STAU1: variants seen among roughly 807,000 people sequenced by gnomAD.
STAU1 encodes staufen double-stranded RNA binding protein 1, also known as double-stranded RNA-binding protein Staufen homolog 1.
A neutral mutation model predicts 62.9 loss-of-function variants in STAU1; 13 were observed. That is an observed-to-expected ratio of 0.21 (90% CI 0.13 to 0.33). The LOEUF (loss-of-function observed/expected upper bound fraction) is 0.33. STAU1 is among the 10% of genes least tolerant of loss of function. The pLI is 1.00. For missense variants in STAU1, 571 were observed against 712.1 expected (o/e 0.80, Z 2.25); for synonymous variants, 269 against 265.1 (o/e 1.01, Z -0.14).
chr20:49,115,231 G>T (rs566497670), intron 13 of STAU1, among the ~76,000 whole-genome samples: 8 of 152,118 alleles, frequency 5.3e-5, no homozygotes, highest in Non-Finnish European at 1.0e-4. Context: ...GGGGCTGTCC[G>T]AGGGGAAGAT....
At chr20:49,209,831 G>A in the STAU1 span, among the ~76,000 whole-genome samples, 11 of 152,068 alleles carry the variant, frequency 7.2e-5, no homozygotes, top group Non-Finnish European at 1.5e-4. Context: ...GGCGGATCAC[G>A]AGGTCAGGAG....
At chr20:49,177,430 G>A (rs1475338473) in intron 1 of STAU1, among the ~76,000 whole-genome samples, 2 of 152,008 alleles carry the variant, frequency 1.3e-5, no homozygotes, top group East Asian at 3.9e-4. Flanking sequence ...TATAATCCCA[G>A]CACTTTGGGA....
chr20:49,167,352 T>C (rs534383459), intron 2 of STAU1, among the ~76,000 whole-genome samples: 1 of 152,320 alleles, frequency 6.6e-6, no homozygotes, highest in Non-Finnish European at 1.5e-5. Flanking sequence ...TTTTTTTAAG[T>C]ATCAAAATGA....
chr20:49,131,699 CGA>C (rs1402502947), intron 6 of STAU1, among the ~76,000 whole-genome samples: 1 of 151,740 alleles, frequency 6.6e-6, no homozygotes, highest in Non-Finnish European at 1.5e-5. Flanking sequence ...AAAAATTAGC[CGA>C]GTGTGGTGGC....
chr20:49,177,815 GA>G lies in STAU1; in HGVS notation c.-159-3547del, dbSNP rs767772813. Among the ~76,000 whole-genome samples, 248 of 152,270 alleles carry G rather than the reference GA, an allele frequency of 1.6e-3. 3 individuals are homozygous for G. The highest frequency in any genetic ancestry group is 2.3e-3 in the Non-Finnish European group (159 of 68,018). ...ACTTAGCAAAGAAAGAAGAGAGAGA[GA>G]GAGGGGAGAAATACAGCAGTCATTT... On this transcript the variant is annotated intron_variant, in intron 1 of 13. Transcript: ENST00000371856.
At chr20:49,187,177 T>G (rs1296620571) in intron 1 of STAU1, among the ~76,000 whole-genome samples, 1 of 152,086 alleles carries the variant, frequency 6.6e-6, no homozygotes, top group Non-Finnish European at 1.5e-5. Flanking sequence ...GCCAGCAACT[T>G]TCCCAGAAAT....
rs144433924 is a variant in STAU1 at position 49,154,913 on chromosome 20, C to T, written c.206-842G>A. Among the ~76,000 whole-genome samples, 227 of 140,652 alleles carry T rather than the reference C, an allele frequency of 1.6e-3. 1 individual carries two copies. Among genetic ancestry groups the T allele is most frequent in the African/African-American group, 5.7e-3 (214 of 37,572 alleles). 92.3% of individuals were successfully genotyped at this position (140,652 alleles called of 152,430 possible). On this transcript the variant is annotated intron_variant, in intron 3 of 13. Transcript: ENST00000371856. Reference sequence around the variant, plus strand: ...CAGCCTGGCTAACACGGTGAAACCCCGTTTCTACTAAAAATACAAAAAATT... The same window carrying T: ...CAGCCTGGCTAACACGGTGAAACCCTGTTTCTACTAAAAATACAAAAAATT...
chr20:49,181,922 T>C (rs1001657770), intron 1 of STAU1, among the ~76,000 whole-genome samples: 3 of 152,132 alleles, frequency 2.0e-5, no homozygotes, highest in Admixed American at 2.0e-4. Context: ...AAAATTTCTA[T>C]CATAATAAAA....
At chr20:49,140,101 G>T (rs572540681) in intron 5 of STAU1, among the ~76,000 whole-genome samples, 2 of 151,014 alleles carry the variant, frequency 1.3e-5, no homozygotes, top group African/African-American at 4.9e-5. Flanking sequence ...CAGGAGAATC[G>T]CTTGAACCCA....
chr20:49,177,004 C>T (rs1389971661), intron 1 of STAU1, among the ~76,000 whole-genome samples: 2 of 151,600 alleles, frequency 1.3e-5, no homozygotes, highest in Non-Finnish European at 2.9e-5. Context: ...CTCCGCCTCC[C>T]GGGTTCAAGC....
Position 49,114,601 on chromosome 20 carries a change from A to G in STAU1, c.*277T>C, listed in dbSNP as rs765555900. The stretch of plus-strand genomic sequence containing the variant: ...GTGGATCTGCTGGTGTCCCGGGAGA[A>G]CCAGCTGGCTGGGCAGCCCTTCTTC... On this transcript the variant is annotated 3_prime_UTR_variant, in exon 14 of 14. Transcript: ENST00000371856. 4.2e-4 allele frequency: 181 copies of G among 433,228 alleles called. No homozygotes were observed. In the Middle Eastern group the frequency reaches 5.7e-3, roughly 14 times the overall value. The allele number at this position is 433,228 out of a possible 1,614,324, so 26.8% of individuals were successfully genotyped here.
At chr20:49,157,513 C>T (rs2146298285) in intron 3 of STAU1, among the ~76,000 whole-genome samples, 1 of 152,000 alleles carries the variant, frequency 6.6e-6, no homozygotes, top group East Asian at 1.9e-4. Context: ...GACAGTCTTG[C>T]TCTGTCGCCA....
At chr20:49,130,298 T>C (rs1432518149) in intron 6 of STAU1, among the ~76,000 whole-genome samples, 3 of 152,180 alleles carry the variant, frequency 2.0e-5, no homozygotes, top group Non-Finnish European at 4.4e-5. Flanking sequence ...TGCCAGAGCC[T>C]GAGGACAGAG....
intron 6 of STAU1, among the ~76,000 whole-genome samples, chr20:49,132,323 T>C (rs1454290096): frequency 6.6e-6 from 1 of 152,196 alleles, no homozygotes; most frequent in East Asian, 1.9e-4. Context: ...CGGCTTGCAT[T>C]GTCTGCCCAC....
the STAU1 span, among the ~76,000 whole-genome samples, chr20:49,217,215 A>T: frequency 6.6e-6 from 1 of 151,452 alleles, no homozygotes; most frequent in Non-Finnish European, 1.5e-5. Flanking sequence ...GTGCTGCTGG[A>T]GTGACACAGG....
intron 6 of STAU1, chr20:49,134,449 A>T: frequency 3.3e-6 from 2 of 609,620 alleles, no homozygotes; most frequent in Non-Finnish European, 5.8e-6. Context: ...AAAAAAAAAA[A>T]GCTCTGGGTT....
chr20:49,128,779 A>T (rs2145944879), intron 6 of STAU1, among the ~76,000 whole-genome samples: 1 of 151,126 alleles, frequency 6.6e-6, no homozygotes, highest in East Asian at 1.9e-4. Flanking sequence ...AATCCAAAAA[A>T]AAAAAAAAAA....
the STAU1 span, among the ~76,000 whole-genome samples, chr20:49,203,877 G>C: frequency 6.6e-6 from 1 of 152,088 alleles, no homozygotes; most frequent in African/African-American, 2.4e-5. Context: ...AGTAGAGACG[G>C]GGTTTCATCA....
At chr20:49,215,358 T>A in the STAU1 span, among the ~76,000 whole-genome samples, 1 of 152,218 alleles carries the variant, frequency 6.6e-6, no homozygotes, top group African/African-American at 2.4e-5. Context: ...ATGTATCACC[T>A]GGTTCTGATA....
Sources: allele counts gnomAD v4.1 joint callset (sites outside exome capture counted in the v4.1 genomes callset), GRCh38; gene constraint gnomAD v4.1.1; transcripts MANE v1.5; gene names NCBI Gene and HGNC (gene_info 2026-07-23, HGNC 2026-07-21).